ADGRB3: variants seen among roughly 807,000 people sequenced by gnomAD.
ADGRB3 encodes adhesion G protein-coupled receptor B3.
Under a neutral mutation model 193.4 loss-of-function variants are expected in ADGRB3, and 37 were observed. That is an observed-to-expected ratio of 0.19 (90% CI 0.15 to 0.25). The LOEUF (loss-of-function observed/expected upper bound fraction) is 0.25. Among genes scored for constraint, ADGRB3 ranks in the 10% least tolerant of loss-of-function variants. The pLI, the probability that ADGRB3 is intolerant of heterozygous loss-of-function variation, is 1.00. For synonymous variants in ADGRB3, 690 were observed against 644.2 expected, an observed-to-expected ratio of 1.07 and a Z score of -1.08; for missense variants, 1,637 against 1,852.9, an observed-to-expected ratio of 0.88 and a Z score of 2.14.
intron 16 of ADGRB3, among the ~76,000 whole-genome samples, chr6:69,068,586 A>T (rs1448850791): frequency 6.6e-6 from 1 of 152,180 alleles, no homozygotes; most frequent in Non-Finnish European, 1.5e-5. Context: ...TCTTTGAAGC[A>T]TATACATGTA....
intron 7 of ADGRB3, 111 bp downstream of exon 7, chr6:68,956,299 A>G (rs532128748): frequency 9.7e-6 from 9 of 929,474 alleles, no homozygotes; most frequent in Non-Finnish European, 1.4e-5. Context: ...CATTATATAT[A>G]TATGTGTGTG....
At chr6:69,387,728 CCT>C (rs2127244427) in intron 31 of ADGRB3, among the ~76,000 whole-genome samples, 1 of 152,030 alleles carries the variant, frequency 6.6e-6, no homozygotes, top group African/African-American at 2.4e-5. Flanking sequence ...ATACAGATTG[CCT>C]CTCTTTCTTT....
intron 5 of ADGRB3, among the ~76,000 whole-genome samples, chr6:68,937,452 G>C (rs1159365676): frequency 6.6e-6 from 1 of 152,148 alleles, no homozygotes; most frequent in African/African-American, 2.4e-5. Context: ...ATGATGTTGT[G>C]AATCTCCAGA....
intron 3 of ADGRB3, among the ~76,000 whole-genome samples, chr6:68,825,582 G>T (rs943942282): frequency 2.0e-5 from 3 of 152,136 alleles, no homozygotes; most frequent in African/African-American, 7.2e-5. Flanking sequence ...ATCTCATATT[G>T]AATTGTAATC....
intron 3 of ADGRB3, among the ~76,000 whole-genome samples, chr6:68,921,763 GAT>G (rs1285407784): frequency 1.3e-5 from 2 of 151,386 alleles, no homozygotes; most frequent in Non-Finnish European, 2.9e-5. Flanking sequence ...ATAAAGGACA[GAT>G]ATTATCTTCT....
At chr6:69,188,760 A>T (rs74620529) in intron 17 of ADGRB3, among the ~76,000 whole-genome samples, 13,820 of 152,078 alleles carry the variant, frequency 0.091, 682 homozygotes, top group Middle Eastern at 0.25. Flanking sequence ...TATTTTTTTT[A>T]AATTCGTTAA....
At chr6:68,730,535 C>T (rs143148754) in intron 3 of ADGRB3, among the ~76,000 whole-genome samples, 100 of 151,614 alleles carry the variant, frequency 6.6e-4, no homozygotes, top group African/African-American at 2.0e-3. Context: ...ATGATACACA[C>T]GGATAAATTC....
At chr6:68,733,344 C>T (rs149821188) in intron 3 of ADGRB3, among the ~76,000 whole-genome samples, 59 of 150,370 alleles carry the variant, frequency 3.9e-4, no homozygotes, top group African/African-American at 1.3e-3. Context: ...TCCTTTGCAA[C>T]GTAGATGCAG....
chr6:69,162,593 G>T (rs1775027478), intron 17 of ADGRB3, among the ~76,000 whole-genome samples: 1 of 152,032 alleles, frequency 6.6e-6, no homozygotes, highest in South Asian at 2.1e-4. Flanking sequence ...CTGTCTAAAA[G>T]CTTAGACCAC....
rs570967168 is a variant in ADGRB3 at position 68,645,119 on chromosome 6, G to A, written c.757+5687G>A. 1.3e-3 allele frequency among the ~76,000 whole-genome samples: 199 copies of A among 151,980 alleles called. 2 individuals are homozygous for A. Among genetic ancestry groups the A allele is most frequent in the African/African-American group, 4.7e-3 (193 of 41,452 alleles). ...TATGTATTACCTATAAAAGCAGTCC[G>A]GCCCTTGGAAAAGAAATCAGTGTTC... On this transcript the variant is annotated intron_variant, in intron 3 of 31. Coordinates refer to ENST00000370598, the MANE Select transcript of ADGRB3 (RefSeq NM_001704.3).
intron 3 of ADGRB3, among the ~76,000 whole-genome samples, chr6:68,669,311 A>C (rs1379169802): frequency 6.6e-6 from 1 of 151,828 alleles, no homozygotes; most frequent in Non-Finnish European, 1.5e-5. Flanking sequence ...TTTATAGCAC[A>C]ACATCTGTTC....
chr6:69,355,712 C>A, intron 27 of ADGRB3, 109 bp from the exon 28 acceptor site: 2 of 891,134 alleles, frequency 2.2e-6, no homozygotes, highest in Non-Finnish European at 3.6e-6. Context: ...AAACAATAAA[C>A]TTGTACTGCC....
At chr6:69,174,036 C>T (rs375311003) in intron 17 of ADGRB3, among the ~76,000 whole-genome samples, 1 of 149,944 alleles carries the variant, frequency 6.7e-6, no homozygotes, top group East Asian at 2.0e-4. Context: ...GTAGTAAAAC[C>T]CTCATTGTTT....
At chr6:69,243,256 G>C (rs1356870012) in intron 20 of ADGRB3, among the ~76,000 whole-genome samples, 1 of 151,878 alleles carries the variant, frequency 6.6e-6, no homozygotes, top group Non-Finnish European at 1.5e-5. Flanking sequence ...CACACATTTA[G>C]ATATTTATTA....
intron 11 of ADGRB3, among the ~76,000 whole-genome samples, chr6:68,999,047 C>T (rs991028511): frequency 1.3e-5 from 2 of 152,138 alleles, no homozygotes; most frequent in African/African-American, 2.4e-5. Flanking sequence ...TTTTAAGTCC[C>T]AACCTTGATT....
chr6:69,253,922 G>A (rs1766686591), intron 20 of ADGRB3, among the ~76,000 whole-genome samples: 1 of 151,898 alleles, frequency 6.6e-6, no homozygotes, highest in African/African-American at 2.4e-5. Flanking sequence ...CATATAGAAG[G>A]GCATGCCATT....
At chr6:68,764,170 T>G (rs906665164) in intron 3 of ADGRB3, among the ~76,000 whole-genome samples, 1 of 152,174 alleles carries the variant, frequency 6.6e-6, no homozygotes, top group African/African-American at 2.4e-5. Context: ...ATCTCGACCA[T>G]CAGTATTTAA....
chr6:69,237,350 G>T (rs759617065), intron 19 of ADGRB3, among the ~76,000 whole-genome samples: 1 of 151,870 alleles, frequency 6.6e-6, no homozygotes, highest in Non-Finnish European at 1.5e-5. Context: ...ATTTGGTGGC[G>T]TTGCATGTAG....
intron 3 of ADGRB3, among the ~76,000 whole-genome samples, chr6:68,905,535 G>C (rs1166691056): frequency 2.6e-5 from 4 of 152,038 alleles, no homozygotes; most frequent in Non-Finnish European, 1.5e-5. Context: ...AATCACAATA[G>C]CAATGACAAT....
Sources: gnomAD v4.1 joint callset for allele counts (sites outside exome capture counted in the v4.1 genomes callset) on GRCh38, gnomAD v4.1.1 for gene constraint, MANE v1.5 for transcripts, NCBI Gene and HGNC (gene_info 2026-07-23, HGNC 2026-07-21) for gene names.